Variants in EDA observed in about 807,000 individuals in gnomAD.
The protein encoded by EDA is ectodysplasin A.
Under a neutral mutation model 23.6 loss-of-function variants are expected in EDA, and 2 were observed. The ratio of observed to expected loss-of-function variants is 0.08; its 90% CI spans 0.03 to 0.27. EDA has a LOEUF of 0.27. Among genes scored for constraint, EDA ranks in the 10% least tolerant of loss-of-function variants. The pLI is 1.00. For missense variants in EDA, 229 were observed against 324.2 expected, an observed-to-expected ratio of 0.71 and a Z score of 2.26; for synonymous variants, 131 against 132.0, an observed-to-expected ratio of 0.99 and a Z score of 0.05.
At chrX:69,687,875 A>T (rs754432754) in intron 1 of EDA, among the ~76,000 whole-genome samples, 1 of 111,785 alleles carries the variant, frequency 8.9e-6, no homozygotes, top group Admixed American at 9.5e-5. Context: ...TCTAAGATGG[A>T]GTTAGAATAT....
intron 1 of EDA, among the ~76,000 whole-genome samples, chrX:69,684,932 T>C (rs1934494522): frequency 8.9e-6 from 1 of 112,406 alleles, no homozygotes; most frequent in Admixed American, 9.5e-5. Context: ...TGAATGAAAC[T>C]GGATAAGAAG....
intron 1 of EDA, among the ~76,000 whole-genome samples, chrX:69,625,266 A>T (rs1474958096): frequency 1.8e-5 from 2 of 111,395 alleles, no homozygotes; most frequent in Non-Finnish European, 3.8e-5. Context: ...TGACTTTTGA[A>T]ATCAAGGAAC....
intron 1 of EDA, among the ~76,000 whole-genome samples, chrX:69,737,088 G>T (rs1331421325): frequency 9.0e-6 from 1 of 111,058 alleles, no homozygotes; most frequent in Non-Finnish European, 1.9e-5. Flanking sequence ...ACTCCATCTT[G>T]ACCAAAACTG....
Position 69,779,458 on chromosome X carries a change from A to C in EDA, c.396+162754A>C, listed in dbSNP as rs1387208468. 3.6e-5 allele frequency among the ~76,000 whole-genome samples: 4 copies of C among 111,471 alleles called. No homozygotes were observed. The East Asian group carries it at 8.4e-4, about 23-fold the overall frequency. ...CATTTTGTATGGTTCAATTTATCTG[A>C]AATATCCAGAATAGGTAAATCCATA... On this transcript the variant is annotated intron_variant, in intron 1 of 7. Transcript: ENST00000374552.
intron 1 of EDA, among the ~76,000 whole-genome samples, chrX:69,766,595 A>T (rs145978730): frequency 0.061 from 6,760 of 111,633 alleles, 204 homozygotes; most frequent in Middle Eastern, 0.093. Flanking sequence ...TTCCAGCTCT[A>T]TTCACGTTCC....
intron 1 of EDA, among the ~76,000 whole-genome samples, chrX:69,919,097 T>C (rs1431206286): frequency 9.0e-6 from 1 of 111,046 alleles, no homozygotes; most frequent in Non-Finnish European, 1.9e-5. Context: ...TGAAAAGATA[T>C]AGATTAATTG....
intron 2 of EDA, among the ~76,000 whole-genome samples, chrX:69,965,564 A>G (rs1316111411): frequency 8.9e-6 from 1 of 111,988 alleles, no homozygotes; most frequent in East Asian, 2.8e-4. Flanking sequence ...TTGCTGTACT[A>G]TTTATAATAG....
At chrX:70,006,143 CAATTTGAGGCAATGA>C (rs1393719369) in intron 2 of EDA, among the ~76,000 whole-genome samples, 1 of 111,976 alleles carries the variant, frequency 8.9e-6, no homozygotes. Flanking sequence ...TAGTTGCTTC[CAATTTGAGGCAATGA>C]TGAATAAAGC....
intron 1 of EDA, among the ~76,000 whole-genome samples, chrX:69,786,290 T>G (rs2015170380): frequency 9.0e-6 from 1 of 110,778 alleles, no homozygotes; most frequent in South Asian, 3.9e-4. Flanking sequence ...CTCTATTTCC[T>G]TCAGTTCTGC....
chrX:70,032,034 G>A (rs2020206244), intron 6 of EDA, among the ~76,000 whole-genome samples: 1 of 111,240 alleles, frequency 9.0e-6, no homozygotes, highest in Non-Finnish European at 1.9e-5. Flanking sequence ...CGAGGCTGGC[G>A]GATCACATGA....
At chrX:69,826,089 T>A (rs2016423386) in intron 1 of EDA, among the ~76,000 whole-genome samples, 1 of 110,506 alleles carries the variant, frequency 9.0e-6, no homozygotes, top group African/African-American at 3.3e-5. Flanking sequence ...TCTGTTCTTT[T>A]ACATTTGCTG....
chrX:69,859,225 A>G (rs755363999), intron 1 of EDA, among the ~76,000 whole-genome samples: 20 of 107,290 alleles, frequency 1.9e-4, no homozygotes, highest in African/African-American at 6.1e-4. Context: ...CCATGTCTCT[A>G]TCTCCTTCAG....
At chrX:69,773,329 T>C (rs1006012512) in intron 1 of EDA, among the ~76,000 whole-genome samples, 1 of 112,448 alleles carries the variant, frequency 8.9e-6, no homozygotes, top group Non-Finnish European at 1.9e-5. Flanking sequence ...ACAGTTGGGT[T>C]GTTTCCACCC....
At position 70,033,522 on chromosome X, in the gene EDA, G is replaced by A; in HGVS notation, c.918G>A (p.Gln306=). The change falls in exon 7 of 8, where the codon CAG becomes CAA. Residue 306 remains glutamine, a synonymous_variant. Coordinates refer to ENST00000374552, the MANE Select transcript of EDA (RefSeq NM_001399.5). Reference sequence around the variant, plus strand: ...ACGGCACCTACTTCATCTATAGTCAGGTAGAAGTGAGTACGGTCTTAGGCC... The same window carrying A: ...ACGGCACCTACTTCATCTATAGTCAAGTAGAAGTGAGTACGGTCTTAGGCC... The part of the protein sequence containing the change: ...LVDGTYFIYS[Q]VEVYYINFTD... 8.3e-7 allele frequency: 1 copy of A among 1,211,240 alleles called. No individual in the cohort carries two copies. Among genetic ancestry groups the A allele is most frequent in the Non-Finnish European group, 1.1e-6 (1 of 895,379 alleles).
rs901739736 is a variant in EDA at position 69,673,914 on chromosome X, G to T, written c.396+57210G>T. ...GAAAGATGTGGAATTTTCAATCTCTGCCTCTTTGCTATCCCCTTTGTCTTT... is the reference window on the plus strand; with the variant it reads ...GAAAGATGTGGAATTTTCAATCTCTTCCTCTTTGCTATCCCCTTTGTCTTT... On this transcript the variant is annotated intron_variant, in intron 1 of 7. Coordinates refer to ENST00000374552, the MANE Select transcript of EDA (RefSeq NM_001399.5). Among the ~76,000 whole-genome samples the T allele has an allele frequency of 2.7e-5, 3 of 111,542 alleles. No individual in the cohort carries two copies. In the Admixed American group the frequency reaches 2.9e-4, roughly 11 times the overall value.
intron 2 of EDA, among the ~76,000 whole-genome samples, chrX:69,964,298 T>TG (rs1341212699): frequency 9.1e-6 from 1 of 109,458 alleles, no homozygotes; most frequent in Non-Finnish European, 1.9e-5. Flanking sequence ...ATATAAGGAG[T>TG]TTTTTTTTGA....
At chrX:69,679,217 G>A (rs1429119740) in intron 1 of EDA, among the ~76,000 whole-genome samples, 6 of 106,977 alleles carry the variant, frequency 5.6e-5, no homozygotes, top group South Asian at 4.2e-4. Flanking sequence ...TGCTGGATTC[G>A]GTTTGCCAGT....
chrX:69,765,400 G>A, intron 1 of EDA, among the ~76,000 whole-genome samples: 1 of 111,258 alleles, frequency 9.0e-6, no homozygotes, highest in Non-Finnish European at 1.9e-5. Context: ...ATTTCTCTTT[G>A]GTAACCAATG....
chrX:69,863,561 ATGTGTGTATATATG>A (rs1337959456), intron 1 of EDA, among the ~76,000 whole-genome samples: 5 of 61,512 alleles, frequency 8.1e-5, no homozygotes, highest in African/African-American at 1.4e-4. Context: ...ATGTATATAT[ATGTGTGTATATATG>A]TGTGTGTATA....
Sources: allele counts gnomAD v4.1 joint callset (sites outside exome capture counted in the v4.1 genomes callset), GRCh38; gene constraint gnomAD v4.1.1; transcripts MANE v1.5; gene names NCBI Gene and HGNC (gene_info 2026-07-23, HGNC 2026-07-21).